The following POU6F2 variants were observed in gnomAD, a reference collection of about 807,000 sequenced individuals.
The protein encoded by POU6F2 is POU domain, class 6, transcription factor 2.
In POU6F2, 31 loss-of-function variants were observed where a neutral mutation model predicts 71.3. The ratio of observed to expected loss-of-function variants is 0.43; its 90% CI spans 0.33 to 0.59. The LOEUF (loss-of-function observed/expected upper bound fraction) is 0.59. Among genes scored for constraint, POU6F2 ranks in the 20% least tolerant of loss-of-function variants. POU6F2 has a pLI of 0.04. For missense variants in POU6F2, 783 were observed against 856.8 expected (o/e 0.91, Z 1.07); for synonymous variants, 347 against 355.7 (o/e 0.98, Z 0.27).
intron 2 of POU6F2, among the ~76,000 whole-genome samples, chr7:39,107,551 G>A (rs536788429): frequency 4.1e-4 from 62 of 152,272 alleles, no homozygotes; most frequent in Non-Finnish European, 6.3e-4. Context: ...TAGTATTTTT[G>A]TAGTCAGGAT....
At position 39,448,397 on chromosome 7, in the gene POU6F2, G is replaced by A. The variant is rs372660040; in HGVS notation, c.1321-3136G>A. Among the ~76,000 whole-genome samples the A allele has an allele frequency of 4.1e-3, 621 of 152,268 alleles. 2 individuals carry two copies. Among genetic ancestry groups the A allele is most frequent in the African/African-American group, 0.014 (571 of 41,556 alleles). On this transcript the variant is annotated intron_variant, in intron 7 of 9. Coordinates refer to ENST00000518318, the MANE Select transcript of POU6F2 (RefSeq NM_001370959.1). ...GACAAGTAAGAAATTTGAAGAATTT[G>A]TATTGGTTTTTCTGAACTGTTTGGT...
At chr7:39,258,068 GCT>G (rs1301209766) in intron 4 of POU6F2, among the ~76,000 whole-genome samples, 1 of 152,118 alleles carries the variant, frequency 6.6e-6, no homozygotes, top group Non-Finnish European at 1.5e-5. Flanking sequence ...AGAAGAATGT[GCT>G]ATAAATTGAG....
chr7:39,066,907 TATC>T (rs535535839), intron 1 of POU6F2, among the ~76,000 whole-genome samples: 23 of 147,950 alleles, frequency 1.6e-4, no homozygotes, highest in East Asian at 3.9e-4. Context: ...TAATATATAA[TATC>T]ATATTATTAT....
intron 4 of POU6F2, among the ~76,000 whole-genome samples, chr7:39,328,253 T>C (rs1021277982): frequency 3.3e-4 from 50 of 152,210 alleles, no homozygotes; most frequent in Admixed American, 2.0e-3. Flanking sequence ...ATTCTAGCCA[T>C]TAATATTCTA....
chr7:39,382,427 T>G (rs1354197015), intron 5 of POU6F2, among the ~76,000 whole-genome samples: 2 of 152,082 alleles, frequency 1.3e-5, no homozygotes, highest in Non-Finnish European at 2.9e-5. Flanking sequence ...GGGGAAGACC[T>G]AGAGGAACCG....
intron 2 of POU6F2, among the ~76,000 whole-genome samples, chr7:39,185,996 C>T (rs571370797): frequency 8.6e-5 from 13 of 152,036 alleles, no homozygotes; most frequent in African/African-American, 2.2e-4. Context: ...CTGCAATCTC[C>T]GCCTCCCAGG....
intron 4 of POU6F2, among the ~76,000 whole-genome samples, chr7:39,241,083 G>T (rs762003403): frequency 6.6e-6 from 1 of 151,994 alleles, no homozygotes; most frequent in African/African-American, 2.4e-5. Flanking sequence ...TCCCTTCCCC[G>T]CAAGACTTCA....
chr7:39,205,216 C>G (rs1006880325), intron 3 of POU6F2, among the ~76,000 whole-genome samples: 2 of 151,984 alleles, frequency 1.3e-5, no homozygotes, highest in Non-Finnish European at 2.9e-5. Flanking sequence ...CTTATGGAAG[C>G]CTAGAGAGTT....
chr7:39,331,571 G>A (rs1384253334), intron 4 of POU6F2, among the ~76,000 whole-genome samples: 4 of 152,018 alleles, frequency 2.6e-5, no homozygotes, highest in African/African-American at 9.7e-5. Context: ...GCAGTGGTGC[G>A]ATCTCGGCTC....
chr7:39,023,013 A>G (rs139677817), intron 1 of POU6F2, among the ~76,000 whole-genome samples: 350 of 152,162 alleles, frequency 2.3e-3, no homozygotes, highest in African/African-American at 8.0e-3. Flanking sequence ...TAGTATGGTC[A>G]GTCTTTTTAC....
chr7:39,062,532 C>T (rs759566907), intron 1 of POU6F2, among the ~76,000 whole-genome samples: 3 of 150,752 alleles, frequency 2.0e-5, no homozygotes, highest in Non-Finnish European at 4.4e-5. Context: ...GGAAGGTTGC[C>T]ACAACAGCAC....
intron 2 of POU6F2, among the ~76,000 whole-genome samples, chr7:39,145,460 G>A (rs1792600501): frequency 1.3e-5 from 2 of 152,216 alleles, no homozygotes; most frequent in Non-Finnish European, 2.9e-5. Context: ...TGGCACATTT[G>A]TTGAGCCTAT....
At chr7:39,033,845 T>G (rs544326896) in intron 1 of POU6F2, among the ~76,000 whole-genome samples, 1 of 152,370 alleles carries the variant, frequency 6.6e-6, no homozygotes, top group African/African-American at 2.4e-5. Flanking sequence ...AGTGGATGTA[T>G]TCAGGGTACT....
intron 5 of POU6F2, among the ~76,000 whole-genome samples, chr7:39,371,085 T>C (rs1166983774): frequency 6.6e-6 from 1 of 152,158 alleles, no homozygotes; most frequent in Non-Finnish European, 1.5e-5. Context: ...GGCATAGACC[T>C]GTGCAGTGGT....
At chr7:39,430,014 A>G (rs1364237077) in intron 6 of POU6F2, among the ~76,000 whole-genome samples, 1 of 152,174 alleles carries the variant, frequency 6.6e-6, no homozygotes, top group Non-Finnish European at 1.5e-5. Flanking sequence ...GTGAAGTCAA[A>G]GTCCATGGAG....
chr7:39,090,563 T>C (rs1791343775), intron 2 of POU6F2, among the ~76,000 whole-genome samples: 1 of 152,186 alleles, frequency 6.6e-6, no homozygotes, highest in Non-Finnish European at 1.5e-5. Flanking sequence ...GTATTTATAA[T>C]ATTCTGATTA....
At chr7:39,432,536 C>T (rs28627325) in intron 6 of POU6F2, among the ~76,000 whole-genome samples, 45,524 of 151,984 alleles carry the variant, frequency 0.3, 7,317 homozygotes, top group East Asian at 0.52. Context: ...CCACTGTGAA[C>T]ACCAGGGTGT....
intron 1 of POU6F2, among the ~76,000 whole-genome samples, chr7:39,035,556 T>C (rs746227102): frequency 9.9e-5 from 15 of 152,160 alleles, no homozygotes; most frequent in Non-Finnish European, 2.1e-4. Context: ...TGCATTTTAC[T>C]TAGGGTAAAA....
chr7:39,414,319 G>A (rs573411958), intron 6 of POU6F2, among the ~76,000 whole-genome samples: 2 of 152,334 alleles, frequency 1.3e-5, no homozygotes, highest in South Asian at 2.1e-4. Context: ...CGTTTGCAGA[G>A]ATAAGGGATC....
Sources: gnomAD v4.1 joint callset for allele counts (sites outside exome capture counted in the v4.1 genomes callset) on GRCh38, gnomAD v4.1.1 for gene constraint, MANE v1.5 for transcripts, NCBI Gene and HGNC (gene_info 2026-07-23, HGNC 2026-07-21) for gene names.